The following ZNF425 variants were observed in gnomAD, a reference collection of about 807,000 sequenced individuals.
ZNF425 encodes zinc finger protein 425.
In ZNF425, 21 loss-of-function variants were observed where a neutral mutation model predicts 17.0. The ratio of observed to expected loss-of-function variants is 1.23; its 90% CI spans 0.88 to 1.78. ZNF425 has a LOEUF of 1.78. Among genes scored for constraint, ZNF425 ranks in the 40% most tolerant of loss-of-function variants. ZNF425 has a pLI of 0.00. For synonymous variants in ZNF425, 433 were observed against 384.1 expected, an observed-to-expected ratio of 1.13 and a Z score of -1.49; for missense variants, 868 against 967.3, an observed-to-expected ratio of 0.90 and a Z score of 1.36.
At chr7:149,124,311 A>C (rs1269624446) in intron 1 of ZNF425, among the ~76,000 whole-genome samples, 1 of 148,432 alleles carries the variant, frequency 6.7e-6, no homozygotes, top group African/African-American at 2.5e-5. Flanking sequence ...CCCCGCCACC[A>C]CGCCCGGCTA....
rs889134122 is a variant in ZNF425 at position 149,108,976 on chromosome 7, C to T, written c.304+3161G>A. On this transcript the variant is annotated intron_variant, in intron 3 of 3. Transcript: ENST00000378061. ...CACCTTGGCAATCCTGGCCTCACGTCGTCTAACACCAATTTATGTTTTTCC... is the reference window on the plus strand; with the variant it reads ...CACCTTGGCAATCCTGGCCTCACGTTGTCTAACACCAATTTATGTTTTTCC... Among the ~76,000 whole-genome samples the T allele has an allele frequency of 1.1e-4, 16 of 151,628 alleles. 1 individual carries two copies. In the Admixed American group the frequency reaches 1.1e-3, roughly 10 times the overall value.
In ZNF425 at chr7:149,126,086, C is replaced by T. The variant is rs750291616; in HGVS notation, c.18+110G>A. ...AGCTCAGTCCGTGGGCCACTGCCAACCCCCAGGCCCAGGCCCCGGCCGCCC... is the reference window on the plus strand; with the variant it reads ...AGCTCAGTCCGTGGGCCACTGCCAATCCCCAGGCCCAGGCCCCGGCCGCCC... On this transcript the variant is annotated intron_variant, in intron 1 of 3. Transcript: ENST00000378061. 6 of 1,574,096 alleles carry T rather than the reference C, an allele frequency of 3.8e-6. No individual in the cohort carries two copies. In the Admixed American group the frequency reaches 9.2e-5, roughly 24 times the overall value.
intron 3 of ZNF425, among the ~76,000 whole-genome samples, chr7:149,111,741 A>T (rs1826181020): frequency 6.6e-6 from 1 of 151,320 alleles, no homozygotes; most frequent in African/African-American, 2.4e-5. Context: ...GTGCAATGGC[A>T]TGACATTGGC....
At chr7:149,106,428 AG>A (rs376224053) in intron 3 of ZNF425, among the ~76,000 whole-genome samples, 25 of 151,086 alleles carry the variant, frequency 1.7e-4, no homozygotes, top group African/African-American at 5.6e-4. Context: ...TAGTAGAGAC[AG>A]GGTTTCAGCA....
chr7:149,107,566 T>G (rs1261177902), intron 3 of ZNF425, among the ~76,000 whole-genome samples: 1 of 152,022 alleles, frequency 6.6e-6, no homozygotes, highest in Non-Finnish European at 1.5e-5. Flanking sequence ...CTCGATCTCC[T>G]GACCTTGTGA....
intron 1 of ZNF425, among the ~76,000 whole-genome samples, chr7:149,122,079 C>CT (rs1187182130): frequency 0.076 from 9,809 of 128,998 alleles, 829 homozygotes; most frequent in African/African-American, 0.21. Flanking sequence ...CCACCGCCGG[C>CT]TTTTTTTTTT....
At chr7:149,121,022 T>A (rs1440970454) in intron 1 of ZNF425, among the ~76,000 whole-genome samples, 1 of 152,076 alleles carries the variant, frequency 6.6e-6, no homozygotes, top group Non-Finnish European at 1.5e-5. Context: ...AGTATTTGTT[T>A]AGTTTTTAAA....
intron 2 of ZNF425, among the ~76,000 whole-genome samples, chr7:149,115,993 A>C (rs942937181): frequency 6.6e-6 from 1 of 152,174 alleles, no homozygotes; most frequent in African/African-American, 2.4e-5. Flanking sequence ...ATTTGGAAAA[A>C]TCTGGCTAAA....
chr7:149,109,256 T>G (rs1183278435), intron 3 of ZNF425, among the ~76,000 whole-genome samples: 1 of 151,990 alleles, frequency 6.6e-6, no homozygotes. Context: ...TTTTGTATTT[T>G]TAGTAGAGAT....
chr7:149,104,136 C>A lies in ZNF425; in HGVS notation c.1735G>T (p.Glu579Ter). Residue 579 changes from glutamate to a stop codon, truncating the protein, a stop_gained, in exon 4 of 4, where the codon GAG (glutamate) becomes TAG (stop). Coordinates refer to ENST00000378061, the MANE Select transcript of ZNF425 (RefSeq NM_001001661.3). LOFTEE classifies it low-confidence loss of function (END_TRUNC). The surrounding 1 kb of genome is among the most constrained non-coding windows in gnomAD (Gnocchi z 4.3). ...MKFHQRMHRDEKPFACGECDK... is the reference protein window; with the variant it reads ...MKFHQRMHRD The stretch of plus-strand genomic sequence containing the variant: ...CACTCACCGCACGCGAAGGGCTTCT[C>A]GTCCCTGTGCATCCGCTGGTGGAAC... 6.2e-7 allele frequency: 1 copy of A among 1,613,350 alleles called. No homozygotes were observed. Among genetic ancestry groups the A allele is most frequent in the Non-Finnish European group, 8.5e-7 (1 of 1,179,992 alleles).
chr7:149,123,841 C>CTT (rs11301508), intron 1 of ZNF425, among the ~76,000 whole-genome samples: 2 of 128,172 alleles, frequency 1.6e-5, no homozygotes, highest in Non-Finnish European at 3.3e-5. Flanking sequence ...CTTGCTTTTT[C>CTT]TTTTTTTTTT....
At chr7:149,118,411 C>T (rs1156566489) in intron 1 of ZNF425, 63 bp from the exon 2 acceptor site, 3 of 1,570,220 alleles carry the variant, frequency 1.9e-6, no homozygotes, top group South Asian at 1.1e-5. Context: ...TTTCAATGTC[C>T]ATTACTTTAT....
At chr7:149,109,234 C>T (rs1469767768) in intron 3 of ZNF425, among the ~76,000 whole-genome samples, 2 of 151,984 alleles carry the variant, frequency 1.3e-5, no homozygotes, top group East Asian at 3.9e-4. Flanking sequence ...GCTGCCACCA[C>T]GCCTGGCTAA....
intron 2 of ZNF425, among the ~76,000 whole-genome samples, chr7:149,113,040 G>A (rs188410162): frequency 0.044 from 6,188 of 140,894 alleles, 470 homozygotes; most frequent in African/African-American, 0.16. Flanking sequence ...GCAGTGGTGC[G>A]ATCTCGGCTC....
intron 1 of ZNF425, among the ~76,000 whole-genome samples, chr7:149,120,313 C>T (rs544658155): frequency 1.7e-4 from 26 of 152,204 alleles, no homozygotes; most frequent in East Asian, 3.9e-4. Context: ...ACCTGGGAGG[C>T]GTAGTTGGCA....
chr7:149,112,620 G>A (rs760515787), intron 2 of ZNF425, among the ~76,000 whole-genome samples: 5 of 152,036 alleles, frequency 3.3e-5, no homozygotes, highest in Admixed American at 1.3e-4. Flanking sequence ...GCAACAGACC[G>A]AGACTCCGTT....
At chr7:149,116,320 T>C (rs1175111890) in intron 2 of ZNF425, among the ~76,000 whole-genome samples, 1 of 152,226 alleles carries the variant, frequency 6.6e-6, no homozygotes, top group East Asian at 1.9e-4. Flanking sequence ...TCAGATGTAA[T>C]GTGGCACAAA....
intron 1 of ZNF425, among the ~76,000 whole-genome samples, chr7:149,124,927 G>C (rs1197518812): frequency 1.3e-5 from 2 of 152,194 alleles, no homozygotes; most frequent in African/African-American, 4.8e-5. Flanking sequence ...GGAAAATCAA[G>C]AAAACGATTT....
intron 1 of ZNF425, among the ~76,000 whole-genome samples, chr7:149,122,399 G>A (rs958475833): frequency 6.6e-6 from 1 of 151,962 alleles, no homozygotes; most frequent in Non-Finnish European, 1.5e-5. Context: ...TTATAGGCAG[G>A]AGCCACCTTG....
Sources: gnomAD v4.1 joint callset for allele counts (sites outside exome capture counted in the v4.1 genomes callset) on GRCh38, gnomAD v4.1.1 for gene constraint, Gnocchi (gnomAD v3.1) non-coding constraint, MANE v1.5 for transcripts, NCBI Gene and HGNC (gene_info 2026-07-23, HGNC 2026-07-21) for gene names.